The following CCR9 variants were observed in gnomAD, a reference collection of about 807,000 sequenced individuals.
CCR9 encodes C-C chemokine receptor type 9.
Under a neutral mutation model 8.7 loss-of-function variants are expected in CCR9, and 4 were observed. The observed-to-expected ratio is 0.46, with a 90% confidence interval of 0.23 to 1.06. CCR9 has a LOEUF of 1.06. Among genes scored for constraint, CCR9 ranks in the 50% least tolerant of loss-of-function variants. The pLI is 0.21. For missense variants in CCR9, 394 were observed against 453.6 expected (o/e 0.87, Z 1.19); for synonymous variants, 159 against 168.8 (o/e 0.94, Z 0.45).
intron 2 of CCR9, among the ~76,000 whole-genome samples, chr3:45,897,027 T>C (rs966115682): frequency 1.3e-5 from 2 of 152,230 alleles, no homozygotes; most frequent in African/African-American, 4.8e-5. Context: ...CTGCTGCTTC[T>C]GAGCCCAGGA....
intron 1 of CCR9, among the ~76,000 whole-genome samples, chr3:45,892,093 C>G (rs2125745134): frequency 6.6e-6 from 1 of 152,266 alleles, no homozygotes; most frequent in South Asian, 2.1e-4. Context: ...ATTCCAAGAT[C>G]AGGGCACTAG....
chr3:45,894,881 T>G, intron 1 of CCR9, 25 bp from the exon 2 acceptor site: 1 of 1,593,750 alleles, frequency 6.3e-7, no homozygotes, highest in Non-Finnish European at 8.6e-7. Context: ...GCCAGTCCAC[T>G]TTTTGATTTT....
intron 1 of CCR9, among the ~76,000 whole-genome samples, chr3:45,890,500 A>G (rs749747212): frequency 6.7e-6 from 1 of 150,210 alleles, no homozygotes; most frequent in Non-Finnish European, 1.5e-5. Flanking sequence ...CAAAAAAAAG[A>G]AGAGTAATGC....
intron 2 of CCR9, among the ~76,000 whole-genome samples, chr3:45,896,133 T>C (rs1702349091): frequency 6.6e-6 from 1 of 152,248 alleles, no homozygotes; most frequent in African/African-American, 2.4e-5. Flanking sequence ...ACTATTATTC[T>C]GACAAAAAGT....
Position 45,901,715 on chromosome 3 carries a change from C to A in CCR9, c.927C>A (p.His309Gln). The stretch of plus-strand genomic sequence containing the variant: ...TCACCCAGACCATCGCCTTCTTCCA[C>A]AGTTGCCTGAACCCTGTTCTCTATG... ...FQVTQTIAFF[H>Q]SCLNPVLYVF... The change falls in exon 3 of 3, where the codon CAC becomes CAA. Residue 309 changes from histidine to glutamine, a missense_variant. Coordinates refer to ENST00000357632, the MANE Select transcript of CCR9 (RefSeq NM_031200.3). The surrounding 1 kb of genome is among the most constrained non-coding windows in gnomAD (Gnocchi z 4.3). 1 of 1,614,198 alleles carries A rather than the reference C, an allele frequency of 6.2e-7. No homozygotes were observed. Among genetic ancestry groups the A allele is most frequent in the South Asian group, 1.1e-5 (1 of 91,088 alleles).
intron 1 of CCR9, among the ~76,000 whole-genome samples, chr3:45,887,251 CTGTGTG>C (rs36040178): frequency 4.0e-5 from 6 of 149,222 alleles, no homozygotes; most frequent in African/African-American, 1.5e-4. Context: ...GCGTGTGTGT[CTGTGTG>C]TGTGTGTGTG....
intron 1 of CCR9, among the ~76,000 whole-genome samples, chr3:45,890,256 G>GAAATATATATATATTTTATAT (rs1402612474): frequency 4.8e-5 from 1 of 20,990 alleles, no homozygotes; most frequent in African/African-American, 1.9e-4. Flanking sequence ...CTGGGTATTA[G>GAAATATATATATATTTTATAT]AAATATATAT....
At chr3:45,898,903 C>T (rs1702454888) in intron 2 of CCR9, among the ~76,000 whole-genome samples, 1 of 152,258 alleles carries the variant, frequency 6.6e-6, no homozygotes, top group East Asian at 1.9e-4. Flanking sequence ...CATGGTGGCT[C>T]ACGCCTGTAA....
At chr3:45,898,302 C>T (rs567924539) in intron 2 of CCR9, among the ~76,000 whole-genome samples, 15 of 152,248 alleles carry the variant, frequency 9.9e-5, no homozygotes, top group African/African-American at 3.1e-4. Context: ...CCGTGTCCAG[C>T]GTTGGGAGGA....
At chr3:45,898,905 C>T (rs1046539541) in intron 2 of CCR9, among the ~76,000 whole-genome samples, 4 of 152,244 alleles carry the variant, frequency 2.6e-5, no homozygotes, top group East Asian at 1.9e-4. Context: ...TGGTGGCTCA[C>T]GCCTGTAATG....
rs996932430 is a variant in CCR9 at position 45,892,956 on chromosome 3, C to T, written c.-28-1950C>T. Among the ~76,000 whole-genome samples, 7 of 152,140 alleles carry T rather than the reference C, an allele frequency of 4.6e-5. 1 individual carries two copies. The highest frequency in any genetic ancestry group is 8.8e-5 in the Non-Finnish European group (6 of 68,018). On this transcript the variant is annotated intron_variant, in intron 1 of 2. Coordinates refer to ENST00000357632, the MANE Select transcript of CCR9 (RefSeq NM_031200.3). ...TTTCATCGTACTTTGCTTTTTCCTG[C>T]CTTACTTGAACAGCTTTATTGAGGT...
rs199573914 is a variant in CCR9, at chr3:45,901,757, A to G, written c.969A>G (p.Arg323=). The G allele has an allele frequency of 6.2e-7, 1 of 1,614,060 alleles. No individual in the cohort carries two copies. The highest frequency in any genetic ancestry group is 8.5e-7 in the Non-Finnish European group (1 of 1,180,010). ...NPVLYVFVGE[R]FRRDLVKTLK... The stretch of plus-strand genomic sequence containing the variant: ...TTCTCTATGTTTTTGTGGGTGAGAG[A>G]TTCCGCCGGGATCTCGTGAAAACCC... The change falls in exon 3 of 3, where the codon AGA becomes AGG. Residue 323 remains arginine, a synonymous_variant. Coordinates refer to ENST00000357632, the MANE Select transcript of CCR9 (RefSeq NM_031200.3). This position sits in a 1 kb window ranked among gnomAD's most constrained non-coding sequence, Gnocchi z 4.3.
Position 45,897,674 on chromosome 3 carries a change from C to T in CCR9, c.21+2720C>T, listed in dbSNP as rs551725480. ...TAAGTGATGCTGGCCTTCCCACCTG[C>T]CCCCTCTCATTTGTTCCCCAGGAAC... On this transcript the variant is annotated intron_variant, in intron 2 of 2. Coordinates refer to ENST00000357632, the MANE Select transcript of CCR9 (RefSeq NM_031200.3). The T allele has an allele frequency of 1.6e-4, 225 of 1,408,584 alleles. 1 individual carries two copies. The African/African-American group carries it at 2.8e-3, about 18-fold the overall frequency. The allele number at this position is 1,408,584 out of a possible 1,614,324, so 87.3% of individuals were successfully genotyped here. A position where few individuals can be genotyped will look rare whatever the true frequency, so the allele number is the denominator to read the frequency against.
At chr3:45,890,275 T>TACATATAA (rs1702113809) in intron 1 of CCR9, among the ~76,000 whole-genome samples, 1 of 85,148 alleles carries the variant, frequency 1.2e-5, no homozygotes, top group Non-Finnish European at 2.3e-5. Flanking sequence ...ATATAACATA[T>TACATATAA]ATATATATTT....
intron 1 of CCR9, among the ~76,000 whole-genome samples, chr3:45,892,740 C>T (rs1702225980): frequency 3.9e-5 from 6 of 152,068 alleles, no homozygotes. Context: ...CCCACAAAAA[C>T]AAACCAAAAC....
chr3:45,894,486 C>T (rs1249239305), intron 1 of CCR9, among the ~76,000 whole-genome samples: 1 of 152,104 alleles, frequency 6.6e-6, no homozygotes, highest in African/African-American at 2.4e-5. Context: ...GCTGATAGAG[C>T]AGGGGGAAGG....
rs748636404 is a variant in CCR9, at chr3:45,894,903, C to T, written c.-28-3C>T. 6 of 1,612,852 alleles carry T rather than the reference C, an allele frequency of 3.7e-6. No homozygotes were observed. The African/African-American group carries it at 4.0e-5, about 11-fold the overall frequency. On this transcript the variant is annotated splice_polypyrimidine_tract_variant and splice_region_variant and intron_variant, in intron 1 of 2. Transcript: ENST00000357632. ...CACTTTTTGATTTTTGTCCCTTTTC[C>T]AGGAGCAGGCTTGCATCTGACTGAC...
In CCR9 at chr3:45,901,555, C is replaced by A. The variant is rs149823113; in HGVS notation, c.767C>A (p.Thr256Asn). 3.1e-6 allele frequency: 5 copies of A among 1,614,190 alleles called. No individual in the cohort carries two copies. The highest frequency in any genetic ancestry group is 1.7e-6 in the Non-Finnish European group (2 of 1,180,028). Reference protein sequence around the residue: ...KSSKHKALKVTITVLTVFVLS... With the variant: ...KSSKHKALKVNITVLTVFVLS... ...TCCAAGCACAAAGCCCTAAAAGTGA[C>A]CATCACTGTCCTGACCGTCTTTGTC... The change falls in exon 3 of 3, where the codon ACC (threonine) becomes AAC (asparagine). Residue 256 changes from threonine (T) to asparagine (N), a missense_variant. By Grantham distance (65) the Thr-to-Asn change is moderately conservative (BLOSUM62 0). Coordinates refer to ENST00000357632, the MANE Select transcript of CCR9 (RefSeq NM_031200.3). This position sits in a 1 kb window ranked among gnomAD's most constrained non-coding sequence, Gnocchi z 4.3.
At chr3:45,887,594 C>T (rs115227401) in intron 1 of CCR9, among the ~76,000 whole-genome samples, 2,647 of 152,356 alleles carry the variant, frequency 0.017, 70 homozygotes, top group African/African-American at 0.06. Context: ...AAGGGCTGTG[C>T]AGCAGCCAGT....
Sources: gnomAD v4.1 joint callset for allele counts (sites outside exome capture counted in the v4.1 genomes callset) on GRCh38, gnomAD v4.1.1 for gene constraint, Gnocchi (gnomAD v3.1) non-coding constraint, MANE v1.5 for transcripts, NCBI Gene and HGNC (gene_info 2026-07-23, HGNC 2026-07-21) for gene names.